Variants in MPDZ observed in about 807,000 individuals in gnomAD.
The protein encoded by MPDZ is multiple PDZ domain protein.
A neutral mutation model predicts 239.1 loss-of-function variants in MPDZ; 234 were observed. That is an observed-to-expected ratio of 0.98 (90% CI 0.88 to 1.09). MPDZ has a LOEUF of 1.09. Ranked by LOEUF, MPDZ falls within the 50% of genes least tolerant of loss-of-function variation. The pLI, the probability that MPDZ is intolerant of heterozygous loss-of-function variation, is 0.00. For missense variants in MPDZ, 3,175 were observed against 2,510.0 expected (o/e 1.26, Z -5.66); for synonymous variants, 1,048 against 881.3 (o/e 1.19, Z -3.35).
intron 3 of MPDZ, among the ~76,000 whole-genome samples, chr9:13,238,150 T>A (rs1964540736): frequency 6.6e-6 from 1 of 152,142 alleles, no homozygotes; most frequent in Non-Finnish European, 1.5e-5. Context: ...GCTGCAGACA[T>A]AAACAACCAA....
chr9:13,206,184 T>C, intron 10 of MPDZ, 85 bp from the exon 11 acceptor site: 3 of 1,257,988 alleles, frequency 2.4e-6, no homozygotes, highest in African/African-American at 3.0e-5. Context: ...GTATGTATAG[T>C]TGTTAGTGTG....
At chr9:13,117,261 T>A (rs775680974) in intron 39 of MPDZ, among the ~76,000 whole-genome samples, 7 of 152,108 alleles carry the variant, frequency 4.6e-5, no homozygotes, top group Non-Finnish European at 4.4e-5. Context: ...ATATATTTTA[T>A]CATGTTAAAA....
chr9:13,190,149 T>C lies in MPDZ; in HGVS notation c.2119A>G (p.Ser707Gly), dbSNP rs1954701874. The C allele has an allele frequency of 6.2e-7, 1 of 1,613,100 alleles. No homozygotes were observed. The highest frequency in any genetic ancestry group is 1.3e-5 in the African/African-American group (1 of 74,910). Residue 707 changes from serine to glycine, a missense_variant, in exon 16 of 47, where the codon AGC becomes GGC. Coordinates refer to ENST00000319217, the MANE Select transcript of MPDZ (RefSeq NM_001378778.1). Reference protein sequence around the residue: ...GIQHIELEKGSKGLGFSILDY... With the variant: ...GIQHIELEKGGKGLGFSILDY... Reference sequence around the variant, plus strand: ...AAAATGCTAAAACCAAGTCCTTTGCTCCCTTTCTCCAGCTCTATGTGCTGA... The same window carrying C: ...AAAATGCTAAAACCAAGTCCTTTGCCCCCTTTCTCCAGCTCTATGTGCTGA...
At chr9:13,210,532 G>A (rs1462422334) in intron 10 of MPDZ, among the ~76,000 whole-genome samples, 10 of 151,696 alleles carry the variant, frequency 6.6e-5, no homozygotes, top group African/African-American at 9.7e-5. Flanking sequence ...GCAGCAGATT[G>A]TGTCTAATGC....
intron 2 of MPDZ, among the ~76,000 whole-genome samples, chr9:13,248,041 A>G (rs1022279554): frequency 1.3e-5 from 2 of 152,078 alleles, no homozygotes; most frequent in Non-Finnish European, 2.9e-5. Context: ...AGCCTGGCCA[A>G]AATGATGAAA....
intron 3 of MPDZ, among the ~76,000 whole-genome samples, chr9:13,226,946 G>A (rs12340775): frequency 0.036 from 5,457 of 152,080 alleles, 127 homozygotes; most frequent in Non-Finnish European, 0.054. Flanking sequence ...ATGAAATTAC[G>A]TAAAGTCACA....
intron 28 of MPDZ, among the ~76,000 whole-genome samples, chr9:13,139,663 C>G (rs554410199): frequency 6.6e-6 from 1 of 152,084 alleles, no homozygotes; most frequent in African/African-American, 2.4e-5. Context: ...GAATCTGATG[C>G]CCAGAAAGGG....
At chr9:13,136,636 T>C (rs1311379773) in intron 30 of MPDZ, 76 bp downstream of exon 30, 3 of 1,013,972 alleles carry the variant, frequency 3.0e-6, no homozygotes, top group Admixed American at 2.1e-5. Context: ...ACAAATGTTT[T>C]CTTTTCATTC....
chr9:13,112,741 TAAG>T (rs745546874), intron 42 of MPDZ, among the ~76,000 whole-genome samples: 4 of 152,222 alleles, frequency 2.6e-5, no homozygotes, highest in Non-Finnish European at 4.4e-5. Context: ...GGTTTACTTA[TAAG>T]AAGTGAGAGG....
intron 3 of MPDZ, among the ~76,000 whole-genome samples, chr9:13,225,260 T>C (rs1451105629): frequency 6.6e-6 from 1 of 152,110 alleles, no homozygotes; most frequent in African/African-American, 2.4e-5. Flanking sequence ...AATTTATTAT[T>C]GAAGGAAGTT....
At chr9:13,269,803 C>T (rs1436586298) in intron 1 of MPDZ, among the ~76,000 whole-genome samples, 1 of 152,064 alleles carries the variant, frequency 6.6e-6, no homozygotes, top group African/African-American at 2.4e-5. Context: ...GAAAATTCAG[C>T]AAGAAATGAC....
intron 1 of MPDZ, among the ~76,000 whole-genome samples, chr9:13,251,419 T>A (rs1423116389): frequency 2.0e-5 from 3 of 152,192 alleles, no homozygotes; most frequent in Non-Finnish European, 4.4e-5. Context: ...CAGATCTGCA[T>A]TGCTAACATC....
At chr9:13,253,657 G>C (rs566212458) in intron 1 of MPDZ, among the ~76,000 whole-genome samples, 133 of 152,304 alleles carry the variant, frequency 8.7e-4, no homozygotes, top group South Asian at 7.9e-3. Context: ...ATGACTTAAA[G>C]AAGATCCAAC....
intron 27 of MPDZ, among the ~76,000 whole-genome samples, chr9:13,140,457 CTTTG>C (rs900680884): frequency 4.8e-5 from 7 of 145,366 alleles, no homozygotes; most frequent in South Asian, 2.1e-4. Flanking sequence ...TAAAGCCAGT[CTTTG>C]TTTTTGACAT....
intron 3 of MPDZ, 53 bp from the exon 4 acceptor site, chr9:13,224,636 A>G: frequency 8.3e-7 from 1 of 1,203,404 alleles, no homozygotes; most frequent in Non-Finnish European, 1.2e-6. Context: ...AAACTATTTC[A>G]TAGAAAATAT....
intron 24 of MPDZ, among the ~76,000 whole-genome samples, chr9:13,157,098 G>C (rs1033141207): frequency 6.6e-6 from 1 of 152,168 alleles, no homozygotes; most frequent in Admixed American, 6.6e-5. Flanking sequence ...CTGGTGGGCA[G>C]GGGACGTCAT....
intron 24 of MPDZ, among the ~76,000 whole-genome samples, chr9:13,152,947 C>G (rs1299051797): frequency 6.6e-6 from 1 of 152,024 alleles, no homozygotes; most frequent in East Asian, 1.9e-4. Context: ...AGTCAGAGTT[C>G]AGGGTGTTGG....
chr9:13,106,918 G>A lies in MPDZ; in HGVS notation c.*47C>T. The A allele has an allele frequency of 6.2e-7, 1 of 1,602,690 alleles. No homozygotes were observed. Among genetic ancestry groups the A allele is most frequent in the Non-Finnish European group, 8.5e-7 (1 of 1,170,868 alleles). ...TCAGGACCAGTGCATTCTCTTTACAGTAGGAGGTGAGCTAGGGGTTGGGTT... is the reference window on the plus strand; with the variant it reads ...TCAGGACCAGTGCATTCTCTTTACAATAGGAGGTGAGCTAGGGGTTGGGTT... On this transcript the variant is annotated 3_prime_UTR_variant, in exon 47 of 47. Transcript: ENST00000319217.
chr9:13,204,553 T>C (rs770867228), intron 12 of MPDZ, among the ~76,000 whole-genome samples: 3 of 152,174 alleles, frequency 2.0e-5, no homozygotes, highest in Non-Finnish European at 4.4e-5. Flanking sequence ...CTTCCCAATA[T>C]TAAATCTTGG....
Sources: allele counts gnomAD v4.1 joint callset (sites outside exome capture counted in the v4.1 genomes callset), GRCh38; gene constraint gnomAD v4.1.1; transcripts MANE v1.5; gene names NCBI Gene and HGNC (gene_info 2026-07-23, HGNC 2026-07-21).